Variants in TNR observed in about 807,000 individuals in gnomAD.
TNR encodes tenascin-R.
In TNR, 45 loss-of-function variants were observed where a neutral mutation model predicts 150.4. That is an observed-to-expected ratio of 0.30 (90% confidence interval 0.24 to 0.38). The LOEUF is 0.38. Ranked by LOEUF, TNR falls within the 10% of genes least tolerant of loss-of-function variation. The probability of loss-of-function intolerance (pLI) is 1.00; values close to 1 mark genes in which losing one functional copy is unlikely to be tolerated. For synonymous variants in TNR, 687 were observed against 678.4 expected, an observed-to-expected ratio of 1.01 and a Z score of -0.20; for missense variants, 1,544 against 1,759.1, an observed-to-expected ratio of 0.88 and a Z score of 2.19.
rs114448665 is a variant in TNR, at chr1:175,521,087, G to A, written c.-64+7182C>T. ...TTTGTGTCCTTTTCTTAAAATTGGGGTGGGGATGAGGATGGGATGGGGAGT... is the reference window on the plus strand; with the variant it reads ...TTTGTGTCCTTTTCTTAAAATTGGGATGGGGATGAGGATGGGATGGGGAGT... On this transcript the variant is annotated intron_variant, in intron 2 of 22. Coordinates refer to ENST00000367674, the MANE Select transcript of TNR (RefSeq NM_003285.3). 6.7e-3 allele frequency among the ~76,000 whole-genome samples: 1,020 copies of A among 152,292 alleles called. 8 individuals carry two copies. Among genetic ancestry groups the A allele is most frequent in the African/African-American group, 0.022 (915 of 41,550 alleles).
At chr1:175,581,338 C>T (rs1275258129) in intron 1 of TNR, among the ~76,000 whole-genome samples, 1 of 152,214 alleles carries the variant, frequency 6.6e-6, no homozygotes, top group African/African-American at 2.4e-5. Flanking sequence ...TTCATCTGAG[C>T]AGAGGACTAA....
chr1:175,629,175 A>G (rs1664248766), intron 1 of TNR, among the ~76,000 whole-genome samples: 1 of 152,180 alleles, frequency 6.6e-6, no homozygotes, highest in Admixed American at 6.5e-5. Context: ...CTGCTTTAAC[A>G]TATGGCCAGA....
chr1:175,420,729 G>A (rs891587280), intron 2 of TNR, among the ~76,000 whole-genome samples: 2 of 152,130 alleles, frequency 1.3e-5, no homozygotes, highest in East Asian at 3.9e-4. Context: ...TGTAAGGTGG[G>A]CGTATTGCTC....
At chr1:175,515,808 G>T (rs1316495103) in intron 2 of TNR, among the ~76,000 whole-genome samples, 2 of 152,214 alleles carry the variant, frequency 1.3e-5, no homozygotes, top group African/African-American at 2.4e-5. Flanking sequence ...TGGGGCTACA[G>T]GCATGGATGC....
At chr1:175,556,063 T>C (rs1173578399) in intron 1 of TNR, among the ~76,000 whole-genome samples, 1 of 152,252 alleles carries the variant, frequency 6.6e-6, no homozygotes, top group African/African-American at 2.4e-5. Context: ...GGCTGCAACT[T>C]GAGTTCCTGG....
At chr1:175,502,299 G>C (rs137890452) in intron 2 of TNR, among the ~76,000 whole-genome samples, 3 of 152,088 alleles carry the variant, frequency 2.0e-5, no homozygotes, top group African/African-American at 7.2e-5. Flanking sequence ...TGCTCTATTC[G>C]GAGCACTCCT....
intron 1 of TNR, among the ~76,000 whole-genome samples, chr1:175,594,224 AT>A (rs1160919102): frequency 5.7e-4 from 85 of 149,642 alleles, no homozygotes; most frequent in South Asian, 1.7e-3. Flanking sequence ...GCCTGTAGGA[AT>A]TATGCCTCTG....
At chr1:175,642,311 T>C (rs906950130) in intron 1 of TNR, among the ~76,000 whole-genome samples, 1 of 152,060 alleles carries the variant, frequency 6.6e-6, no homozygotes, top group Non-Finnish European at 1.5e-5. Context: ...ACTTAGGAAA[T>C]AGCATATGCA....
rs1653155752 is a variant in TNR, at chr1:175,391,314, G to A, written c.1481C>T (p.Pro494Leu). 6.2e-7 allele frequency: 1 copy of A among 1,613,962 alleles called. No individual in the cohort carries two copies. Among genetic ancestry groups the A allele is most frequent in the East Asian group, 2.2e-5 (1 of 44,894 alleles). Residue 494 changes from proline (P) to leucine (L), a missense_variant, in exon 7 of 23, where the codon CCC (proline) becomes CTC (leucine). Coordinates refer to ENST00000367674, the MANE Select transcript of TNR (RefSeq NM_003285.3). ...TGTGGAGACGCTGGCCGAGGTAGGGGGGCTGCGGGCCTGTTCTTTCAGAGC... is the reference window on the plus strand; with the variant it reads ...TGTGGAGACGCTGGCCGAGGTAGGGAGGCTGCGGGCCTGTTCTTTCAGAGC... ...VVALKEQARSPPTSASVSTVI... is the reference protein window; with the variant it reads ...VVALKEQARSLPTSASVSTVI...
intron 1 of TNR, among the ~76,000 whole-genome samples, chr1:175,649,008 A>G (rs1296498063): frequency 6.6e-6 from 1 of 151,964 alleles, no homozygotes; most frequent in East Asian, 1.9e-4. Context: ...TTGCCTCCAC[A>G]CTGACCTCTA....
At chr1:175,476,331 A>G (rs1405015593) in intron 2 of TNR, among the ~76,000 whole-genome samples, 1 of 152,220 alleles carries the variant, frequency 6.6e-6, no homozygotes, top group African/African-American at 2.4e-5. Flanking sequence ...TTCCTAGAGC[A>G]TAAGTAGGTG....
intron 2 of TNR, among the ~76,000 whole-genome samples, chr1:175,436,537 C>T (rs1442352347): frequency 2.0e-5 from 3 of 152,100 alleles, no homozygotes; most frequent in Non-Finnish European, 4.4e-5. Context: ...ACAATATTAA[C>T]CTTAAATGTA....
At chr1:175,345,668 A>T (rs1449622807) in intron 18 of TNR, among the ~76,000 whole-genome samples, 1 of 152,116 alleles carries the variant, frequency 6.6e-6, no homozygotes, top group Admixed American at 6.5e-5. Flanking sequence ...GAGGAAGAAA[A>T]CATTTAAAAA....
At chr1:175,615,101 G>A (rs1326749600) in intron 1 of TNR, among the ~76,000 whole-genome samples, 1 of 152,198 alleles carries the variant, frequency 6.6e-6, no homozygotes, top group Non-Finnish European at 1.5e-5. Flanking sequence ...CATTAGTGGA[G>A]ATAAATCGAG....
intron 1 of TNR, among the ~76,000 whole-genome samples, chr1:175,564,143 C>T (rs1661544175): frequency 6.6e-6 from 1 of 152,240 alleles, no homozygotes; most frequent in Non-Finnish European, 1.5e-5. Flanking sequence ...TTGCAGAAAT[C>T]CCACTCTGCT....
chr1:175,555,871 G>A (rs1255463290), intron 1 of TNR, among the ~76,000 whole-genome samples: 1 of 152,198 alleles, frequency 6.6e-6, no homozygotes, highest in East Asian at 1.9e-4. Context: ...ACCATGAGTT[G>A]TGTGGCTATA....
intron 18 of TNR, among the ~76,000 whole-genome samples, chr1:175,343,137 C>T (rs1373857445): frequency 3.9e-5 from 6 of 152,210 alleles, no homozygotes; most frequent in Non-Finnish European, 5.9e-5. Flanking sequence ...CTATCTTTTA[C>T]TTGCCCAAAA....
At chr1:175,685,267 A>G (rs186036985) in intron 1 of TNR, among the ~76,000 whole-genome samples, 53 of 152,270 alleles carry the variant, frequency 3.5e-4, no homozygotes, top group African/African-American at 1.3e-3. Flanking sequence ...AAGACTTGAA[A>G]CTTCACCAAT....
intron 2 of TNR, among the ~76,000 whole-genome samples, chr1:175,485,903 G>A (rs1017706459): frequency 6.6e-6 from 1 of 152,124 alleles, no homozygotes; most frequent in Non-Finnish European, 1.5e-5. Context: ...TCTCACAACA[G>A]TTCATGAGGA....
Sources: gnomAD v4.1 joint callset for allele counts (sites outside exome capture counted in the v4.1 genomes callset) on GRCh38, gnomAD v4.1.1 for gene constraint, MANE v1.5 for transcripts, NCBI Gene and HGNC (gene_info 2026-07-23, HGNC 2026-07-21) for gene names.